Variants in ALK observed in about 807,000 individuals in gnomAD.
ALK encodes ALK receptor tyrosine kinase, also known as ALK tyrosine kinase receptor.
Under a neutral mutation model 163.1 loss-of-function variants are expected in ALK, and 74 were observed. The ratio of observed to expected loss-of-function variants is 0.45; its 90% CI spans 0.38 to 0.55. The LOEUF (loss-of-function observed/expected upper bound fraction) is 0.55. Among genes scored for constraint, ALK ranks in the 20% least tolerant of loss-of-function variants. The pLI is 0.00. For synonymous variants in ALK, 960 were observed against 843.2 expected, an observed-to-expected ratio of 1.14 and a Z score of -2.40; for missense variants, 2,063 against 2,105.3, an observed-to-expected ratio of 0.98 and a Z score of 0.39.
At chr2:29,536,876 A>G (rs112716955) in intron 3 of ALK, among the ~76,000 whole-genome samples, 36 of 152,350 alleles carry the variant, frequency 2.4e-4, no homozygotes, top group African/African-American at 8.2e-4. Flanking sequence ...ATTGGGCTGC[A>G]TTCATGTTCA....
chr2:29,705,884 A>G (rs909618266), intron 2 of ALK, among the ~76,000 whole-genome samples: 3 of 152,314 alleles, frequency 2.0e-5, no homozygotes, highest in Admixed American at 6.5e-5. Context: ...CAGAGAGCAC[A>G]TAAGAGGGAG....
intron 1 of ALK, among the ~76,000 whole-genome samples, chr2:29,769,186 G>C (rs1323968459): frequency 6.6e-6 from 1 of 152,068 alleles, no homozygotes; most frequent in African/African-American, 2.4e-5. Context: ...CATTGAGCTG[G>C]TATTACTTTT....
At chr2:29,463,438 G>C (rs1671134157) in intron 4 of ALK, among the ~76,000 whole-genome samples, 1 of 152,102 alleles carries the variant, frequency 6.6e-6, no homozygotes, top group African/African-American at 2.4e-5. Context: ...TTCTACTTTG[G>C]CTCATGAGGA....
At chr2:29,520,691 T>C (rs910378619) in intron 4 of ALK, among the ~76,000 whole-genome samples, 9 of 152,070 alleles carry the variant, frequency 5.9e-5, no homozygotes, top group Non-Finnish European at 1.5e-5. Context: ...GAAGGCAAAA[T>C]GGCTTGAACT....
intron 3 of ALK, among the ~76,000 whole-genome samples, chr2:29,609,267 T>G (rs116657766): frequency 0.013 from 2,017 of 152,216 alleles, 38 homozygotes; most frequent in African/African-American, 0.037. Flanking sequence ...GGTGAATAGT[T>G]GTTTTTTTGT....
intron 1 of ALK, among the ~76,000 whole-genome samples, chr2:29,815,459 AAAG>A (rs1469542406): frequency 6.6e-6 from 1 of 152,090 alleles, no homozygotes; most frequent in East Asian, 1.9e-4. Flanking sequence ...TGGTTGTTGC[AAAG>A]AAGGTGAGGG....
At chr2:29,775,951 AG>A (rs1332469064) in intron 1 of ALK, among the ~76,000 whole-genome samples, 1 of 152,236 alleles carries the variant, frequency 6.6e-6, no homozygotes, top group Non-Finnish European at 1.5e-5. Flanking sequence ...GACATAACCC[AG>A]GAAACTCCCA....
At chr2:29,794,210 C>A (rs557839780) in intron 1 of ALK, among the ~76,000 whole-genome samples, 2 of 152,256 alleles carry the variant, frequency 1.3e-5, no homozygotes, top group East Asian at 3.9e-4. Context: ...CCTCGTGAAC[C>A]AACCTCTGCT....
At chr2:29,589,462 A>T (rs1487116841) in intron 3 of ALK, among the ~76,000 whole-genome samples, 1 of 152,198 alleles carries the variant, frequency 6.6e-6, no homozygotes, top group Non-Finnish European at 1.5e-5. Flanking sequence ...CTGAGTTTGT[A>T]CAGTGATGAA....
intron 4 of ALK, among the ~76,000 whole-genome samples, chr2:29,501,558 C>A (rs1273362240): frequency 1.3e-5 from 2 of 152,230 alleles, no homozygotes; most frequent in Non-Finnish European, 2.9e-5. Flanking sequence ...TCTTCTTCCT[C>A]CTTCCGGGGG....
At chr2:29,838,034 A>G (rs897137871) in intron 1 of ALK, among the ~76,000 whole-genome samples, 3 of 152,186 alleles carry the variant, frequency 2.0e-5, no homozygotes, top group African/African-American at 7.2e-5. Context: ...TTTAAAAAGA[A>G]TCCATCTGCA....
At chr2:29,740,797 T>C (rs980753727) in intron 1 of ALK, among the ~76,000 whole-genome samples, 5 of 151,774 alleles carry the variant, frequency 3.3e-5, no homozygotes, top group Admixed American at 2.6e-4. Flanking sequence ...AGGCCAGGAG[T>C]TCGAGACCAG....
At chr2:29,346,132 C>T (rs1667942054) in intron 5 of ALK, among the ~76,000 whole-genome samples, 1 of 152,172 alleles carries the variant, frequency 6.6e-6, no homozygotes, top group Admixed American at 6.5e-5. Context: ...TAGGCTGATG[C>T]TTACATTCTG....
chr2:29,321,177 A>G (rs530370094), intron 6 of ALK, among the ~76,000 whole-genome samples: 1 of 152,350 alleles, frequency 6.6e-6, no homozygotes, highest in Middle Eastern at 3.4e-3. Context: ...AGAGGCTCAG[A>G]AATGTGAAGC....
chr2:29,532,085 GTC>G lies in ALK; in HGVS notation c.982_983del (p.Asp328LeufsTer15). On this transcript the variant is annotated frameshift_variant, in exon 4 of 29. Coordinates refer to ENST00000389048, the MANE Select transcript of ALK (RefSeq NM_004304.5). LOFTEE classifies it high-confidence loss of function. ...ACGGACTCAGGATGGTGTGCTTGGA[GTC>G]AGCTGAGGTGTTGAGAAGGAGAAAG... ...GSFLLLNTSA[D>X]SKHTILSPWM... 1 of 1,614,080 alleles carries G rather than the reference GTC, an allele frequency of 6.2e-7. No individual in the cohort carries two copies. Among genetic ancestry groups the G allele is most frequent in the Non-Finnish European group, 8.5e-7 (1 of 1,180,012 alleles).
At chr2:29,683,513 C>T (rs1678138564) in intron 3 of ALK, among the ~76,000 whole-genome samples, 1 of 152,256 alleles carries the variant, frequency 6.6e-6, no homozygotes, top group African/African-American at 2.4e-5. Flanking sequence ...TGACCACAAC[C>T]TTTGCTATGC....
At position 29,373,381 on chromosome 2, in the gene ALK, G is replaced by A. The variant is rs968230682; in HGVS notation, c.1282+10351C>T. ...ACATTGATGTCAATGACTGAGTATTGCTCCAAATTACTTGTAAAATAGACC... is the reference window on the plus strand; with the variant it reads ...ACATTGATGTCAATGACTGAGTATTACTCCAAATTACTTGTAAAATAGACC... On this transcript the variant is annotated intron_variant, in intron 5 of 28. Transcript: ENST00000389048. Among the ~76,000 whole-genome samples, 24 of 152,090 alleles carry A rather than the reference G, an allele frequency of 1.6e-4. 1 individual carries two copies. The highest frequency in any genetic ancestry group is 5.8e-4 in the African/African-American group (24 of 41,424).
chr2:29,717,424 T>A (rs570364751), intron 2 of ALK, 154 bp downstream of exon 2: 8 of 897,578 alleles, frequency 8.9e-6, no homozygotes, highest in African/African-American at 3.3e-5. Context: ...GGGTTGAGCG[T>A]CACTGGGAGA....
chr2:29,865,455 T>C (rs2148409063), intron 1 of ALK, among the ~76,000 whole-genome samples: 1 of 152,344 alleles, frequency 6.6e-6, no homozygotes, highest in East Asian at 1.9e-4. Flanking sequence ...TTGTTTCTCC[T>C]ATGTGGATTG....
Sources: gnomAD v4.1 joint callset for allele counts (sites outside exome capture counted in the v4.1 genomes callset) on GRCh38, gnomAD v4.1.1 for gene constraint, MANE v1.5 for transcripts, NCBI Gene and HGNC (gene_info 2026-07-23, HGNC 2026-07-21) for gene names.